Variants in KIF5B observed in about 807,000 individuals in gnomAD.
KIF5B encodes the protein kinesin family member 5B, also known as kinesin-1 heavy chain.
In KIF5B, 49 loss-of-function variants were observed where a neutral mutation model predicts 132.8. The ratio of observed to expected loss-of-function variants is 0.37; its 90% CI spans 0.29 to 0.47. The LOEUF (loss-of-function observed/expected upper bound fraction) is 0.47. KIF5B is among the 20% of genes least tolerant of loss of function. KIF5B has a pLI of 1.00. For synonymous variants in KIF5B, 355 were observed against 369.4 expected (o/e 0.96, Z 0.45); for missense variants, 780 against 1,144.0 (o/e 0.68, Z 4.59).
chr10:32,046,506 G>A lies in KIF5B; in HGVS notation c.214+1958C>T, dbSNP rs540350124. On this transcript the variant is annotated intron_variant, in intron 2 of 25. Coordinates refer to ENST00000302418, the MANE Select transcript of KIF5B (RefSeq NM_004521.3). ...ATAAAACAGTACTGGTGGTTTCAAA[G>A]TCTGTAGCAGATAATCCCACTAAAA... is the stretch of plus-strand genomic sequence containing the variant. Among the ~76,000 whole-genome samples the A allele has an allele frequency of 4.6e-5, 7 of 152,246 alleles. No individual in the cohort carries two copies. The South Asian group carries it at 1.0e-3, about 23-fold the overall frequency.
rs796239676 is a variant in KIF5B at position 32,015,992 on chromosome 10, A to G, written c.2762-333T>C. Among the ~76,000 whole-genome samples the G allele has an allele frequency of 4.9e-4, 75 of 152,194 alleles. 1 individual carries two copies. The highest frequency in any genetic ancestry group is 1.7e-3 in the African/African-American group (71 of 41,510). On this transcript the variant is annotated intron_variant, in intron 24 of 25. Transcript: ENST00000302418. The stretch of plus-strand genomic sequence containing the variant: ...AACCCTGTCTCTACAGAATATAAAA[A>G]AATTAGCTAGGTGTGGTGGCGTGCA...
In KIF5B at chr10:32,022,920, T is replaced by C. The variant is rs1489883076; in HGVS notation, c.1842A>G (p.Thr614=). The change falls in exon 16 of 26, where the codon ACA becomes ACG. Residue 614 remains threonine, a synonymous_variant. Coordinates refer to ENST00000302418, the MANE Select transcript of KIF5B (RefSeq NM_004521.3). The stretch of plus-strand genomic sequence containing the variant: ...CCATTTTTTTGTTGCTCTCAGTTTG[T>C]GTGCTTTCTAACTGCTTGCAACGTT... The part of the protein sequence containing the change: ...MVKRCKQLES[T]QTESNKKMEE... 1 of 1,613,602 alleles carries C rather than the reference T, an allele frequency of 6.2e-7. No individual in the cohort carries two copies. The highest frequency in any genetic ancestry group is 8.5e-7 in the Non-Finnish European group (1 of 1,179,610).
intron 17 of KIF5B, among the ~76,000 whole-genome samples, chr10:32,021,851 G>C (rs764819423): frequency 1.3e-5 from 2 of 151,972 alleles, no homozygotes; most frequent in Non-Finnish European, 2.9e-5. Flanking sequence ...ATGTGCCTGT[G>C]GTCCTAGCTA....
intron 20 of KIF5B, among the ~76,000 whole-genome samples, 158 bp downstream of exon 20, chr10:32,019,700 T>G (rs1841232200): frequency 6.6e-6 from 1 of 152,230 alleles, no homozygotes; most frequent in Non-Finnish European, 1.5e-5. Context: ...ATATTCCAAG[T>G]ATTTAGATAT....
chr10:32,030,116 T>C (rs1198185614), intron 14 of KIF5B, among the ~76,000 whole-genome samples: 1 of 152,188 alleles, frequency 6.6e-6, no homozygotes, highest in Non-Finnish European at 1.5e-5. Context: ...AACCACAAAA[T>C]AGCTCCTCCA....
At position 32,018,173 on chromosome 10, in the gene KIF5B, A is replaced by T; in HGVS notation, c.2440-17T>A. ...CTCAGCACTCTGAGAAAAGAAGGTAAGTATTACAAAAAAATTAAAAAAAAC... is the reference window on the plus strand; with the variant it reads ...CTCAGCACTCTGAGAAAAGAAGGTATGTATTACAAAAAAATTAAAAAAAAC... On this transcript the variant is annotated splice_polypyrimidine_tract_variant and intron_variant, in intron 22 of 25. Transcript: ENST00000302418. The T allele has an allele frequency of 6.4e-7, 1 of 1,551,872 alleles. No individual in the cohort carries two copies. The highest frequency in any genetic ancestry group is 8.7e-7 in the Non-Finnish European group (1 of 1,143,654).
At chr10:32,052,253 C>T (rs1243070890) in intron 1 of KIF5B, among the ~76,000 whole-genome samples, 2 of 152,164 alleles carry the variant, frequency 1.3e-5, no homozygotes, top group African/African-American at 2.4e-5. Context: ...CTTAGTTAAA[C>T]ACTATAGTGG....
intron 15 of KIF5B, among the ~76,000 whole-genome samples, chr10:32,026,968 C>T (rs1432990472): frequency 6.6e-6 from 1 of 152,120 alleles, no homozygotes. Flanking sequence ...AGAATCCTTG[C>T]CTCCATCAAC....
intron 3 of KIF5B, 127 bp downstream of exon 3, chr10:32,040,257 T>C: frequency 1.4e-6 from 1 of 691,174 alleles, no homozygotes; most frequent in South Asian, 1.6e-5. Context: ...GTTACATGTA[T>C]ATTATTTGTA....
chr10:32,055,702 T>A (rs1841752830), intron 1 of KIF5B, 146 bp downstream of exon 1: 3 of 1,095,448 alleles, frequency 2.7e-6, no homozygotes, highest in Non-Finnish European at 3.8e-6. Flanking sequence ...CTCCCTCCAC[T>A]GGGTTATCTG....
rs780910966 is a variant in KIF5B, at chr10:32,018,122, C to G, written c.2474G>C (p.Ser825Thr). Residue 825 changes from serine (S) to threonine (T), a missense_variant, in exon 23 of 26, where the codon AGC becomes ACC. Coordinates refer to ENST00000302418, the MANE Select transcript of KIF5B (RefSeq NM_004521.3). ...GGAGATTTTTTGCTTCTGAGCAGCG[C>G]TGCCTCCGGTGTCATCAGAATCAAT... is the stretch of plus-strand genomic sequence containing the variant. The part of the protein sequence containing the change: ...AEIDSDDTGG[S>T]AAQKQKISFL... The G allele has an allele frequency of 6.2e-7, 1 of 1,611,674 alleles. No homozygotes were observed. The highest frequency in any genetic ancestry group is 1.1e-5 in the South Asian group (1 of 90,816).
chr10:32,015,811 A>G, intron 24 of KIF5B, 152 bp from the exon 25 acceptor site: 1 of 621,378 alleles, frequency 1.6e-6, no homozygotes, highest in South Asian at 2.1e-5. Flanking sequence ...TTTCTGTAAC[A>G]TCCTTTTCTC....
At position 32,022,120 on chromosome 10, in the gene KIF5B, T is replaced by C. The variant is rs116097967; in HGVS notation, c.2032+20A>G. ...AAAATAAGAACACAGATGTAACTCA[T>C]AAACAGTTGGAAGCTATACCTTGTG... On this transcript the variant is annotated intron_variant, in intron 17 of 25. Coordinates refer to ENST00000302418, the MANE Select transcript of KIF5B (RefSeq NM_004521.3). 585 of 1,213,960 alleles carry C rather than the reference T, an allele frequency of 4.8e-4. No individual in the cohort carries two copies. In the African/African-American group the frequency reaches 8.2e-3, roughly 17 times the overall value. 75.2% of individuals were successfully genotyped at this position (1,213,960 alleles called of 1,614,324 possible).
At chr10:32,052,772 C>T (rs1042784600) in intron 1 of KIF5B, among the ~76,000 whole-genome samples, 1 of 152,130 alleles carries the variant, frequency 6.6e-6, no homozygotes, top group Non-Finnish European at 1.5e-5. Flanking sequence ...TAAAATAATT[C>T]ATTTCATTCG....
At chr10:32,037,424 C>G (rs1230759744) in intron 7 of KIF5B, 46 bp from the exon 8 acceptor site, 3 of 1,604,650 alleles carry the variant, frequency 1.9e-6, no homozygotes, top group Non-Finnish European at 2.6e-6. Flanking sequence ...ATGATTTCCC[C>G]TTAACAATTT....
chr10:32,027,169 C>CT (rs1357534891), intron 15 of KIF5B, among the ~76,000 whole-genome samples: 1 of 152,128 alleles, frequency 6.6e-6, no homozygotes, highest in Non-Finnish European at 1.5e-5. Context: ...ACAGACTGGG[C>CT]TTTTTAGTAG....
At chr10:32,037,010 T>G (rs1044981235) in intron 8 of KIF5B, among the ~76,000 whole-genome samples, 1 of 152,224 alleles carries the variant, frequency 6.6e-6, no homozygotes. Context: ...GTTCTCACTA[T>G]GAACATATCT....
chr10:32,018,091 A>C lies in KIF5B; in HGVS notation c.2505T>G (p.Leu835=). The C allele has an allele frequency of 2.5e-6, 4 of 1,611,384 alleles. No homozygotes were observed. The highest frequency in any genetic ancestry group is 3.4e-6 in the Non-Finnish European group (4 of 1,177,858). Residue 835 remains leucine (L), a synonymous_variant, in exon 23 of 26, where the codon CTT becomes CTG. Transcript: ENST00000302418. ...TAGTGAGCTGTTCAAGATTATTTTCAAGAAAGGAGATTTTTTGCTTCTGAG... is the reference window on the plus strand; with the variant it reads ...TAGTGAGCTGTTCAAGATTATTTTCCAGAAAGGAGATTTTTTGCTTCTGAG... ...SAAQKQKISF[L]ENNLEQLTKV...
intron 15 of KIF5B, among the ~76,000 whole-genome samples, chr10:32,026,160 C>T (rs894214841): frequency 2.0e-5 from 3 of 152,118 alleles, no homozygotes; most frequent in Non-Finnish European, 4.4e-5. Context: ...ACAGGCCGGG[C>T]GCAGTGGCTC....
Sources: allele counts gnomAD v4.1 joint callset (sites outside exome capture counted in the v4.1 genomes callset), GRCh38; gene constraint gnomAD v4.1.1; transcripts MANE v1.5; gene names NCBI Gene and HGNC (gene_info 2026-07-23, HGNC 2026-07-21).